Variants in WDR20 observed in about 807,000 individuals in gnomAD.
The protein encoded by WDR20 is WD repeat domain 20, also known as WD repeat-containing protein 20.
Under a neutral mutation model 38.7 loss-of-function variants are expected in WDR20, and 3 were observed. The observed-to-expected ratio is 0.08, with a 90% CI of 0.04 to 0.20. The LOEUF is 0.20. Among genes scored for constraint, WDR20 ranks in the 10% least tolerant of loss-of-function variants. The pLI is 1.00. For synonymous variants in WDR20, 298 were observed against 285.6 expected (o/e 1.04, Z -0.44); for missense variants, 559 against 727.7 (o/e 0.77, Z 2.67).
intron 1 of WDR20, among the ~76,000 whole-genome samples, chr14:102,142,774 CTTTTT>C (rs71116885): frequency 1.8e-4 from 15 of 85,038 alleles, no homozygotes; most frequent in African/African-American, 1.3e-4. Flanking sequence ...GCTGTTTTGA[CTTTTT>C]TTTTTTTTTT....
chr14:102,192,036 C>G (rs1464428737), intron 1 of WDR20, among the ~76,000 whole-genome samples: 1 of 152,162 alleles, frequency 6.6e-6, no homozygotes, highest in Non-Finnish European at 1.5e-5. Flanking sequence ...CTCTTATTCT[C>G]AATGTCTGTA....
In WDR20 at chr14:102,220,325, G is replaced by C. The variant is rs1296244149; in HGVS notation, c.1693-2505G>C. Reference sequence around the variant, plus strand: ...AATTGGGGCCAGTCCAACCTGAAAAGTGCCATAACGTGTCAACCACACAGC... The same window carrying C: ...AATTGGGGCCAGTCCAACCTGAAAACTGCCATAACGTGTCAACCACACAGC... On this transcript the variant is annotated intron_variant, in intron 3 of 3. Transcript: ENST00000335263. This position sits in a 1 kb window ranked among gnomAD's most constrained non-coding sequence, Gnocchi z 4.2. Among the ~76,000 whole-genome samples the C allele has an allele frequency of 1.3e-5, 2 of 152,192 alleles. No homozygotes were observed. The highest frequency in any genetic ancestry group is 2.9e-5 in the Non-Finnish European group (2 of 68,026).
At chr14:102,169,422 A>G (rs185289601) in intron 1 of WDR20, among the ~76,000 whole-genome samples, 8 of 152,254 alleles carry the variant, frequency 5.3e-5, no homozygotes, top group Admixed American at 5.2e-4. Flanking sequence ...CCTAAAATCT[A>G]CAAGAGGAGG....
Position 102,196,138 on chromosome 14 carries a change from T to C in WDR20, c.432+1018T>C, listed in dbSNP as rs78021464. ...GTTAAAATTTGGATTCTTTTGCAGT[T>C]ATGGTACTTGCTATTCATGCAAATC... On this transcript the variant is annotated intron_variant, in intron 2 of 2. Coordinates refer to ENST00000342702, the MANE Select transcript of WDR20 (RefSeq NM_144574.4). 4.6e-3 allele frequency among the ~76,000 whole-genome samples: 694 copies of C among 152,346 alleles called. 6 individuals are homozygous for C. Among genetic ancestry groups the C allele is most frequent in the African/African-American group, 0.015 (643 of 41,586 alleles).
chr14:102,196,653 CA>C (rs142457460), intron 2 of WDR20, among the ~76,000 whole-genome samples: 6,805 of 152,096 alleles, frequency 0.045, 179 homozygotes, highest in Middle Eastern at 0.068. Flanking sequence ...TGTGTCGTGG[CA>C]GGGGGAGGGC....
intron 1 of WDR20, among the ~76,000 whole-genome samples, chr14:102,175,724 T>A (rs922489049): frequency 6.6e-6 from 1 of 152,234 alleles, no homozygotes; most frequent in African/African-American, 2.4e-5. Context: ...TGATTTCTTT[T>A]AGCAGTGTCT....
chr14:102,212,793 C>G, downstream of WDR20: 4 of 1,340,522 alleles, frequency 3.0e-6, no homozygotes, highest in Non-Finnish European at 3.8e-6. Context: ...GTTTTCTCGC[C>G]AAACTTTGAG....
At chr14:102,169,644 C>T (rs976421782) in intron 1 of WDR20, among the ~76,000 whole-genome samples, 1 of 152,112 alleles carries the variant, frequency 6.6e-6, no homozygotes, top group Non-Finnish European at 1.5e-5. Context: ...CCTCCTGCCT[C>T]AGCCTCCCGA....
chr14:102,144,473 C>T (rs2052816412), intron 1 of WDR20, among the ~76,000 whole-genome samples: 2 of 146,792 alleles, frequency 1.4e-5, no homozygotes, highest in Non-Finnish European at 3.0e-5. Context: ...CAGAGCTAGA[C>T]TCTGTCTCAA....
At chr14:102,213,175 G>A (rs1191608720), downstream of WDR20, 1 of 985,602 alleles carries the variant, frequency 1.0e-6, no homozygotes, top group African/African-American at 1.7e-5. Context: ...GATGGGGCAG[G>A]CTTCTAAACA....
chr14:102,139,907 G>A lies in WDR20; in HGVS notation c.-17G>A, dbSNP rs778719353. On this transcript the variant is annotated 5_prime_UTR_variant, in exon 1 of 3. The change abolishes an upstream ATG in the 5' untranslated region. Coordinates refer to ENST00000342702, the MANE Select transcript of WDR20 (RefSeq NM_144574.4). ...GTGATCCGGGCACTTAGGGCAGGAT[G>A]AACGCTGCTTTCCAAGATGGCGACG... 6.2e-7 allele frequency: 1 copy of A among 1,611,048 alleles called. No homozygotes were observed. Among genetic ancestry groups the A allele is most frequent in the Admixed American group, 1.7e-5 (1 of 59,996 alleles).
At chr14:102,160,712 G>A (rs138801204) in intron 1 of WDR20, among the ~76,000 whole-genome samples, 12,973 of 151,768 alleles carry the variant, frequency 0.085, 990 homozygotes, top group African/African-American at 0.21. Flanking sequence ...GGAGGCTGAG[G>A]CAGGTGGATC....
At chr14:102,151,016 A>G (rs1297670949) in intron 1 of WDR20, among the ~76,000 whole-genome samples, 4 of 152,212 alleles carry the variant, frequency 2.6e-5, no homozygotes, top group African/African-American at 7.2e-5. Context: ...GGTGAGACAG[A>G]TAAGTAAACC....
intron 1 of WDR20, among the ~76,000 whole-genome samples, chr14:102,159,237 C>CA (rs2058128396): frequency 6.6e-6 from 1 of 152,058 alleles, no homozygotes; most frequent in Non-Finnish European, 1.5e-5. Flanking sequence ...CCACCGCACC[C>CA]AGCCCACCCA....
intron 1 of WDR20, among the ~76,000 whole-genome samples, chr14:102,189,414 C>G (rs1042604488): frequency 6.6e-6 from 1 of 152,110 alleles, no homozygotes; most frequent in African/African-American, 2.4e-5. Flanking sequence ...ATCAGTAACT[C>G]CTTATGCAAA....
In WDR20 at chr14:102,222,096, C is replaced by G. The variant is rs919731083; in HGVS notation, c.1693-734C>G. Among the ~76,000 whole-genome samples the G allele has an allele frequency of 9.9e-5, 15 of 151,800 alleles. No homozygotes were observed. Among genetic ancestry groups the G allele is most frequent in the Admixed American group, 9.8e-4 (15 of 15,244 alleles). ...TCTGGGTGAGATTCCCCGCCCCCGC[C>G]CCCGACAGTGAGCCTCTCAGCAGGA... On this transcript the variant is annotated intron_variant, in intron 3 of 3. Coordinates refer to the WDR20 transcript ENST00000335263. This position sits in a 1 kb window ranked among gnomAD's most constrained non-coding sequence, Gnocchi z 4.4.
rs202187953 is a variant in WDR20 at position 102,184,263 on chromosome 14, C to T, written c.250-10675C>T. Among the ~76,000 whole-genome samples the T allele has an allele frequency of 1.1e-4, 17 of 152,242 alleles. No homozygotes were observed. The East Asian group carries it at 3.3e-3, about 29-fold the overall frequency. On this transcript the variant is annotated intron_variant, in intron 1 of 2. Transcript: ENST00000342702. ...ACAACAGCCATTTGTGGTGACTTGC[C>T]TTGCGATAGGAGATCTAACCTTCCG... is the stretch of plus-strand genomic sequence containing the variant.
chr14:102,202,538 C>T (rs547569933), intron 2 of WDR20, among the ~76,000 whole-genome samples: 8 of 151,914 alleles, frequency 5.3e-5, no homozygotes, highest in African/African-American at 1.4e-4. Context: ...CGCCACCATG[C>T]CCAGCTAATT....
chr14:102,213,087 C>G (rs532397384), downstream of WDR20: 1 of 986,984 alleles, frequency 1.0e-6, no homozygotes, highest in East Asian at 1.1e-4. Context: ...AGGCCAGGGC[C>G]AGGGGAGCTT....
Sources: gnomAD v4.1 joint callset for allele counts (sites outside exome capture counted in the v4.1 genomes callset) on GRCh38, gnomAD v4.1.1 for gene constraint, Gnocchi (gnomAD v3.1) non-coding constraint, MANE v1.5 for transcripts, NCBI Gene and HGNC (gene_info 2026-07-23, HGNC 2026-07-21) for gene names.